MYO15A: variants seen among roughly 807,000 people sequenced by gnomAD.
The protein encoded by MYO15A is unconventional myosin-XV.
MYO15A carries 308 observed loss-of-function variants against 394.6 expected under a neutral mutation model. The ratio of observed to expected loss-of-function variants is 0.78; its 90% confidence interval spans 0.71 to 0.86. The LOEUF is 0.86. MYO15A is among the 40% of genes least tolerant of loss of function. The pLI is 0.00. For synonymous variants in MYO15A, 1,957 were observed against 2,003.8 expected, an observed-to-expected ratio of 0.98 and a Z score of 0.62; for missense variants, 4,606 against 4,799.1, an observed-to-expected ratio of 0.96 and a Z score of 1.19.
chr17:18,139,269 G>A (rs2046335335), intron 18 of MYO15A: 6 of 608,458 alleles, frequency 9.9e-6, no homozygotes, highest in South Asian at 5.8e-5. Flanking sequence ...GGTGTCTCAG[G>A]CTAGGATTCC....
Position 18,158,981 on chromosome 17 carries a change from T to C in MYO15A, c.9140T>C (p.Met3047Thr). 1 of 1,614,012 alleles carries C rather than the reference T, an allele frequency of 6.2e-7. No individual in the cohort carries two copies. The highest frequency in any genetic ancestry group is 1.7e-5 in the Admixed American group (1 of 60,022). Residue 3047 changes from methionine to threonine, a missense_variant, in exon 53 of 66, where the codon ATG (methionine) becomes ACG (threonine). Physicochemically the swap from Met to Thr is moderately conservative, Grantham distance 81. Transcript: ENST00000647165. ...CGGGAGTCCAGAACCTTGGAGGACA[T>C]GCTTTGCTTCACCAAGGTGTCCAGT... ...EPRESRTLED[M>T]LCFTKTPLQE...
At chr17:18,154,883 T>A in intron 45 of MYO15A, 128 bp downstream of exon 45, 1 of 1,147,882 alleles carries the variant, frequency 8.7e-7, no homozygotes, top group Non-Finnish European at 1.3e-6. Flanking sequence ...CTCCTTGCTC[T>A]GCTTCTCTGG....
chr17:18,156,186 A>G lies in MYO15A; in HGVS notation c.8460-9A>G, dbSNP rs748169455. On this transcript the variant is annotated splice_polypyrimidine_tract_variant and intron_variant, in intron 47 of 65. Coordinates refer to ENST00000647165, the MANE Select transcript of MYO15A (RefSeq NM_016239.4). ...GGCAGGGGAGTCATGCCACCGGCCC[A>G]TCCTCCAGCTTTGCAGATATCCTGT... 4 of 1,613,930 alleles carry G rather than the reference A, an allele frequency of 2.5e-6. No homozygotes were observed. The highest frequency in any genetic ancestry group is 3.4e-6 in the Non-Finnish European group (4 of 1,179,938).
chr17:18,120,173 TCGAGCAGCAAG>T lies in MYO15A; in HGVS notation c.1374_1384del (p.Phe458LeufsTer4). 6.2e-7 allele frequency: 1 copy of T among 1,612,860 alleles called. No homozygotes were observed. Among genetic ancestry groups the T allele is most frequent in the Non-Finnish European group, 8.5e-7 (1 of 1,179,986 alleles). On this transcript the variant is annotated frameshift_variant, in exon 2 of 66. Transcript: ENST00000647165. LOFTEE classifies it high-confidence loss of function. ...TTCCGCCTGCCCAGCGCCGCCTTCT[TCGAGCAGCAAG>T]GCATGGATAAGCCCGCCAGGTCCAA...
chr17:18,140,433 A>G, intron 19 of MYO15A, 84 bp from the exon 20 acceptor site: 1 of 1,582,972 alleles, frequency 6.3e-7, no homozygotes, highest in African/African-American at 1.3e-5. Flanking sequence ...CCTGGTCCGG[A>G]GATTTACTCC....
At position 18,153,593 on chromosome 17, in the gene MYO15A, G is replaced by C; in HGVS notation, c.7967-182G>C. 2.3e-6 allele frequency: 1 copy of C among 441,700 alleles called. No homozygotes were observed. Among genetic ancestry groups the C allele is most frequent in the South Asian group, 6.2e-5 (1 of 16,250 alleles). 27.4% of individuals were successfully genotyped at this position (441,700 alleles called of 1,614,324 possible). A position where few individuals can be genotyped will look rare whatever the true frequency, so the allele number is the denominator to read the frequency against. On this transcript the variant is annotated intron_variant, in intron 42 of 65. Coordinates refer to ENST00000647165, the MANE Select transcript of MYO15A (RefSeq NM_016239.4). This position sits in a 1 kb window ranked among gnomAD's most constrained non-coding sequence, Gnocchi z 4.1. Reference sequence around the variant, plus strand: ...GGCGCCTGTAATCCCAGCTACTCAGGAGGCTGAGGCAGGAGAATCGCTTGA... The same window carrying C: ...GGCGCCTGTAATCCCAGCTACTCAGCAGGCTGAGGCAGGAGAATCGCTTGA...
rs1257065368 is a variant in MYO15A at position 18,149,518 on chromosome 17, C to A, written c.7150C>A (p.His2384Asn). 1 of 1,614,184 alleles carries A rather than the reference C, an allele frequency of 6.2e-7. No homozygotes were observed. The highest frequency in any genetic ancestry group is 8.5e-7 in the Non-Finnish European group (1 of 1,180,034). Residue 2384 changes from histidine to asparagine, a missense_variant, in exon 35 of 66, where the codon CAC becomes AAC. His to Asn is a moderately conservative substitution (Grantham distance 68, BLOSUM62 1). This residue lies in a region of MYO15A where 2,776 missense variants were observed against 3,109.3 expected (regional missense o/e 0.89). Coordinates refer to ENST00000647165, the MANE Select transcript of MYO15A (RefSeq NM_016239.4). ...SDSLGEPAVP[H>N]KGLDCYLDSL... Reference sequence around the variant, plus strand: ...CAGTCTTGGAGAGCCTGCTGTGCCCCACAAGGGGCTGGACTGCTACCTGGA... The same window carrying A: ...CAGTCTTGGAGAGCCTGCTGTGCCCAACAAGGGGCTGGACTGCTACCTGGA...
At chr17:18,172,028 G>GGAGGA in intron 63 of MYO15A, 129 bp from the exon 64 acceptor site, 1 of 1,499,600 alleles carries the variant, frequency 6.7e-7, no homozygotes, top group Non-Finnish European at 9.1e-7. Flanking sequence ...CAGAGAGATG[G>GGAGGA]GAGGAGACCC....
chr17:18,129,080 C>T (rs1305754915), intron 7 of MYO15A, among the ~76,000 whole-genome samples: 1 of 152,218 alleles, frequency 6.6e-6, no homozygotes, highest in African/African-American at 2.4e-5. Context: ...GCATCATCCT[C>T]AATCTGTCTC....
chr17:18,160,037 C>A lies in MYO15A; in HGVS notation c.9386+20C>A. 2 of 1,602,450 alleles carry A rather than the reference C, an allele frequency of 1.2e-6. No homozygotes were observed. The highest frequency in any genetic ancestry group is 1.7e-6 in the Non-Finnish European group (2 of 1,177,842). ...CAAGCAGTGAGTGAACTGGACTTTA[C>A]CCCACCATCCCCTCACTGTGTCCAT... is the stretch of plus-strand genomic sequence containing the variant. On this transcript the variant is annotated intron_variant, in intron 56 of 65. Transcript: ENST00000647165.
intron 25 of MYO15A, among the ~76,000 whole-genome samples, chr17:18,143,144 T>TG (rs1195344288): frequency 2.2e-4 from 33 of 152,330 alleles, no homozygotes; most frequent in African/African-American, 7.9e-4. Flanking sequence ...GGTATGGTTT[T>TG]GCTCTTACCT....
Position 18,159,290 on chromosome 17 carries a change from T to A in MYO15A, c.9172T>A (p.Ser3058Thr). Residue 3058 changes from serine (S) to threonine (T), a missense_variant, in exon 54 of 66, where the codon TCC (serine) becomes ACC (threonine). Physicochemically the swap from Ser to Thr is moderately conservative, Grantham distance 58 (BLOSUM62 1). Coordinates refer to ENST00000647165, the MANE Select transcript of MYO15A (RefSeq NM_016239.4). ...TCCCCCACAGACTCCCCTCCAGGAA[T>A]CCCTCATCGAACTCAGCGACAGCAG... ...LCFTKTPLQE[S>T]LIELSDSSLS... The A allele has an allele frequency of 3.1e-6, 5 of 1,614,120 alleles. No individual in the cohort carries two copies. Among genetic ancestry groups the A allele is most frequent in the Non-Finnish European group, 4.2e-6 (5 of 1,179,996 alleles).
chr17:18,111,944 G>A (rs1222017030), intron 1 of MYO15A, among the ~76,000 whole-genome samples: 3 of 152,338 alleles, frequency 2.0e-5, no homozygotes, highest in Non-Finnish European at 2.9e-5. Flanking sequence ...CCAGAGCTCT[G>A]AGCCACTGGG....
At chr17:18,131,427 C>T in intron 9 of MYO15A, 41 bp from the exon 10 acceptor site, 1 of 1,613,932 alleles carries the variant, frequency 6.2e-7, no homozygotes. Flanking sequence ...AACACCAGCC[C>T]TCCTACCCTC....
In MYO15A at chr17:18,143,851, T is replaced by C. The variant is rs757082135; in HGVS notation, c.6047-19T>C. On this transcript the variant is annotated intron_variant, in intron 27 of 65. Coordinates refer to ENST00000647165, the MANE Select transcript of MYO15A (RefSeq NM_016239.4). ...CAGGCAGATCAGAGCAGGCACCGCA[T>C]TCCCTCCTCTTTCCACAGGCCTCGG... is the stretch of plus-strand genomic sequence containing the variant. 3.8e-6 allele frequency: 6 copies of C among 1,573,330 alleles called. No individual in the cohort carries two copies. Among genetic ancestry groups the C allele is most frequent in the South Asian group, 1.2e-5 (1 of 86,384 alleles).
Position 18,139,573 on chromosome 17 carries a change from C to G in MYO15A, c.5173C>G (p.Gln1725Glu). The change falls in exon 19 of 66, where the codon CAG (glutamine) becomes GAG (glutamate). Residue 1725 changes from glutamine (Q) to glutamate (E), a missense_variant. Coordinates refer to ENST00000647165, the MANE Select transcript of MYO15A (RefSeq NM_016239.4). ...GGACAAGAACCACGACCAAGTGCGC[C>G]AGGATGTGCTGGACCTGTTCGTACG... ...FLDKNHDQVR[Q>E]DVLDLFVRSR... 2.5e-6 allele frequency: 4 copies of G among 1,614,088 alleles called. No individual in the cohort carries two copies. The highest frequency in any genetic ancestry group is 2.2e-5 in the South Asian group (2 of 91,066).
chr17:18,142,335 C>A, intron 24 of MYO15A, 81 bp downstream of exon 24: 1 of 1,485,466 alleles, frequency 6.7e-7, no homozygotes, highest in Non-Finnish European at 9.2e-7. Flanking sequence ...AGGTGGTGAG[C>A]TCCCTATCCC....
rs767378045 is a variant in MYO15A, at chr17:18,121,256, C to A, written c.2456C>A (p.Ser819Ter). Residue 819 changes from serine (S) to a stop codon, truncating the protein, a stop_gained, in exon 2 of 66, where the codon TCG becomes TAG. Coordinates refer to ENST00000647165, the MANE Select transcript of MYO15A (RefSeq NM_016239.4). LOFTEE classifies it high-confidence loss of function. This position sits in a 1 kb window ranked among gnomAD's most constrained non-coding sequence, Gnocchi z 5.3. ...PFLPPARRPR[S>*]LQESPAPRRA... ...CTGCCCCCGGCCCGCCGGCCCCGCTCGCTGCAGGAGTCCCCAGCCCCACGC... is the reference window on the plus strand; with the variant it reads ...CTGCCCCCGGCCCGCCGGCCCCGCTAGCTGCAGGAGTCCCCAGCCCCACGC... The A allele has an allele frequency of 2.7e-6, 4 of 1,467,052 alleles. No individual in the cohort carries two copies. The South Asian group carries it at 3.8e-5, about 14-fold the overall frequency. 90.9% of individuals were successfully genotyped at this position (1,467,052 alleles called of 1,614,324 possible). A position where few individuals can be genotyped will look rare whatever the true frequency, so the allele number is the denominator to read the frequency against.
At chr17:18,136,085 CCTCCT>C (rs2046262909) in intron 13 of MYO15A, among the ~76,000 whole-genome samples, 1 of 152,202 alleles carries the variant, frequency 6.6e-6, no homozygotes, top group African/African-American at 2.4e-5. Context: ...CCAGGTATCC[CCTCCT>C]CTAAGAAGCC....
Sources: allele counts gnomAD v4.1 joint callset (sites outside exome capture counted in the v4.1 genomes callset), GRCh38; gene constraint gnomAD v4.1.1; regional missense constraint gnomAD v4.1.1; non-coding constraint Gnocchi (gnomAD v3.1); transcripts MANE v1.5; gene names NCBI Gene and HGNC (gene_info 2026-07-23, HGNC 2026-07-21).